EML6: variants seen among roughly 807,000 people sequenced by gnomAD.
EML6 encodes the protein EMAP like 6, also known as echinoderm microtubule-associated protein-like 6.
EML6 carries 154 observed loss-of-function variants against 240.1 expected under a neutral mutation model. The observed-to-expected ratio is 0.64, with a 90% CI of 0.56 to 0.73. The LOEUF (loss-of-function observed/expected upper bound fraction) is 0.73, where lower values mean the gene tolerates loss of function less well. EML6 is among the 30% of genes least tolerant of loss of function. The pLI, the probability that EML6 is intolerant of heterozygous loss-of-function variation, is 0.00. For missense variants in EML6, 2,964 were observed against 2,474.6 expected, an observed-to-expected ratio of 1.20 and a Z score of -4.20; for synonymous variants, 1,148 against 899.0, an observed-to-expected ratio of 1.28 and a Z score of -4.95.
At position 54,959,256 on chromosome 2, in the gene EML6, G is replaced by GCGGC. The variant is rs1676381662; in HGVS notation, c.4848_4849insCGGC (p.Pro1618GlnfsTer54). 2.0e-6 allele frequency: 3 copies of GCGGC among 1,534,654 alleles called. No homozygotes were observed. Among genetic ancestry groups the GCGGC allele is most frequent in the Non-Finnish European group, 2.6e-6 (3 of 1,138,474 alleles). ...GACTCATAGTGACCGGCGGAAAAGA[G>GCGGC]AGGCCGTAAGCCAAAGCTCCTATGG... is the stretch of plus-strand genomic sequence containing the variant. On this transcript the variant is annotated frameshift_variant, in exon 34 of 42. Coordinates refer to ENST00000356458, the MANE Select transcript of EML6 (RefSeq NM_001039753.4). LOFTEE classifies it high-confidence loss of function.
At chr2:54,928,812 C>A (rs2104391308) in intron 28 of EML6, 61 bp downstream of exon 28, 2 of 1,543,370 alleles carry the variant, frequency 1.3e-6, no homozygotes, top group South Asian at 2.4e-5. Flanking sequence ...CTTGTTTAAG[C>A]CAGAGTGCGT....
intron 2 of EML6, among the ~76,000 whole-genome samples, chr2:54,791,436 G>T (rs1031509386): frequency 1.3e-5 from 2 of 152,164 alleles, no homozygotes; most frequent in African/African-American, 4.8e-5. Flanking sequence ...AAGAAATCCA[G>T]CAGTACTACC....
chr2:54,876,691 C>A (rs1671524069), intron 16 of EML6, among the ~76,000 whole-genome samples: 1 of 152,124 alleles, frequency 6.6e-6, no homozygotes, highest in South Asian at 2.1e-4. Flanking sequence ...TGGACAATTT[C>A]TTTAAAAATC....
chr2:54,848,256 T>A (rs1306195530), intron 9 of EML6, among the ~76,000 whole-genome samples: 1 of 152,222 alleles, frequency 6.6e-6, no homozygotes, highest in African/African-American at 2.4e-5. Flanking sequence ...TCTGAATGCA[T>A]TTGTCGTTCT....
chr2:54,831,439 A>G (rs940086143), intron 7 of EML6, among the ~76,000 whole-genome samples: 1 of 152,154 alleles, frequency 6.6e-6, no homozygotes, highest in Non-Finnish European at 1.5e-5. Context: ...GGATCTGTGT[A>G]ACCAGGTGTG....
At chr2:54,815,379 A>G (rs1668038772) in intron 3 of EML6, among the ~76,000 whole-genome samples, 1 of 152,186 alleles carries the variant, frequency 6.6e-6, no homozygotes, top group Admixed American at 6.5e-5. Flanking sequence ...ATCGAATGAT[A>G]TTTAGAAATG....
chr2:54,850,013 A>G lies in EML6; in HGVS notation c.1239A>G (p.Glu413=), dbSNP rs1472432005. 6.4e-7 allele frequency: 1 copy of G among 1,551,522 alleles called. No individual in the cohort carries two copies. The highest frequency in any genetic ancestry group is 1.4e-5 in the African/African-American group (1 of 73,052). The change falls in exon 10 of 42, where the codon GAA becomes GAG. Residue 413 remains glutamate, a synonymous_variant. Coordinates refer to ENST00000356458, the MANE Select transcript of EML6 (RefSeq NM_001039753.4). The part of the protein sequence containing the change: ...HIKDRKEVIH[E]MKFSPDGSYL... Reference sequence around the variant, plus strand: ...AAGATCGAAAAGAAGTCATTCATGAAATGAAATTTTCTCCAGATGGTTCTT... The same window carrying G: ...AAGATCGAAAAGAAGTCATTCATGAGATGAAATTTTCTCCAGATGGTTCTT...
At chr2:54,911,072 A>G (rs1289571630) in intron 25 of EML6, 30 bp downstream of exon 25, 2 of 1,195,288 alleles carry the variant, frequency 1.7e-6, no homozygotes, top group East Asian at 2.6e-5. Context: ...ATTTTTAAAG[A>G]TATTTTGTGA....
At chr2:54,741,879 A>G (rs1334322829) in intron 2 of EML6, among the ~76,000 whole-genome samples, 1 of 152,204 alleles carries the variant, frequency 6.6e-6, no homozygotes, top group East Asian at 1.9e-4. Flanking sequence ...ATATAGCTGG[A>G]ATGATGGAGT....
chr2:54,961,186 T>TGTTTTG (rs796179489), intron 35 of EML6, among the ~76,000 whole-genome samples: 1 of 93,166 alleles, frequency 1.1e-5, no homozygotes, highest in South Asian at 3.9e-4. Context: ...AGGAAGTAGT[T>TGTTTTG]TTTTTTTTTT....
At chr2:54,962,443 A>T in intron 35 of EML6, 80 bp from the exon 36 acceptor site, 1 of 1,096,136 alleles carries the variant, frequency 9.1e-7, no homozygotes, top group African/African-American at 1.6e-5. Flanking sequence ...GTCTCCATGA[A>T]TTTGTCTACT....
intron 2 of EML6, among the ~76,000 whole-genome samples, chr2:54,803,295 C>G (rs1489335269): frequency 6.6e-6 from 1 of 152,152 alleles, no homozygotes; most frequent in Admixed American, 6.5e-5. Context: ...CTAAACTGGT[C>G]AATTAGTCAA....
intron 12 of EML6, among the ~76,000 whole-genome samples, chr2:54,862,692 T>C (rs1364942205): frequency 6.6e-6 from 1 of 151,862 alleles, no homozygotes; most frequent in Non-Finnish European, 1.5e-5. Flanking sequence ...GTAAGATGAA[T>C]CCAAAAAGAT....
chr2:54,754,841 T>C (rs1684330166), intron 2 of EML6, among the ~76,000 whole-genome samples: 1 of 152,252 alleles, frequency 6.6e-6, no homozygotes, highest in Non-Finnish European at 1.5e-5. Flanking sequence ...AAATGTTCTA[T>C]GTTTGTACTG....
intron 2 of EML6, among the ~76,000 whole-genome samples, chr2:54,802,017 T>C (rs1572920443): frequency 6.6e-6 from 1 of 152,238 alleles, no homozygotes; most frequent in East Asian, 1.9e-4. Context: ...CATCTTGCTC[T>C]TACTCAGATG....
At chr2:54,934,915 TAAAC>T (rs1347491105) in intron 28 of EML6, among the ~76,000 whole-genome samples, 2 of 152,242 alleles carry the variant, frequency 1.3e-5, no homozygotes, top group Admixed American at 1.3e-4. Flanking sequence ...ATATATCAAT[TAAAC>T]AAATTACTAT....
At chr2:54,755,956 G>C (rs1251437743) in intron 2 of EML6, among the ~76,000 whole-genome samples, 1 of 152,066 alleles carries the variant, frequency 6.6e-6, no homozygotes, top group East Asian at 1.9e-4. Context: ...TACTGGTTAG[G>C]AATCGGCAAA....
intron 2 of EML6, among the ~76,000 whole-genome samples, chr2:54,794,201 G>C (rs752000075): frequency 1.3e-5 from 2 of 152,178 alleles, no homozygotes; most frequent in Non-Finnish European, 2.9e-5. Flanking sequence ...TCATGCAGCA[G>C]GGGAGCTGGG....
rs946139047 is a variant in EML6, at chr2:54,892,461, C to T, written c.2547C>T (p.Gly849=). 6.4e-7 allele frequency: 1 copy of T among 1,550,668 alleles called. No individual in the cohort carries two copies. The highest frequency in any genetic ancestry group is 8.7e-7 in the Non-Finnish European group (1 of 1,146,190). ...HIKFWQQAGG[G]FTSKRGTFGS... Reference sequence around the variant, plus strand: ...GTTCTTGGTCCACTCTAGGTGGGGGCTTCACTTCTAAAAGAGGAACTTTTG... The same window carrying T: ...GTTCTTGGTCCACTCTAGGTGGGGGTTTCACTTCTAAAAGAGGAACTTTTG... The change falls in exon 19 of 42, where the codon GGC becomes GGT. Residue 849 remains glycine (G), a synonymous_variant. Coordinates refer to ENST00000356458, the MANE Select transcript of EML6 (RefSeq NM_001039753.4).
Sources: allele counts gnomAD v4.1 joint callset (sites outside exome capture counted in the v4.1 genomes callset), GRCh38; gene constraint gnomAD v4.1.1; transcripts MANE v1.5; gene names NCBI Gene and HGNC (gene_info 2026-07-23, HGNC 2026-07-21).